ABHD12: variants seen among roughly 807,000 people sequenced by gnomAD.
The protein encoded by ABHD12 is lysophosphatidylserine lipase ABHD12.
ABHD12 carries 43 observed loss-of-function variants against 58.3 expected under a neutral mutation model. The ratio of observed to expected loss-of-function variants is 0.74; its 90% confidence interval spans 0.58 to 0.95. The LOEUF is 0.95. Among genes scored for constraint, ABHD12 ranks in the 40% least tolerant of loss-of-function variants. ABHD12 has a pLI of 0.00. For missense variants in ABHD12, 539 were observed against 537.2 expected, an observed-to-expected ratio of 1.00 and a Z score of -0.03; for synonymous variants, 219 against 211.2, an observed-to-expected ratio of 1.04 and a Z score of -0.32.
At chr20:25,311,383 G>A (rs2088846542) in intron 6 of ABHD12, among the ~76,000 whole-genome samples, 1 of 152,222 alleles carries the variant, frequency 6.6e-6, no homozygotes, top group Non-Finnish European at 1.5e-5. Flanking sequence ...GCTGGAAAGG[G>A]CAGCCAGGCA....
intron 1 of ABHD12, among the ~76,000 whole-genome samples, chr20:25,345,252 A>G (rs1400831966): frequency 1.3e-5 from 2 of 151,950 alleles, no homozygotes; most frequent in African/African-American, 4.8e-5. Context: ...CATCCAGCTG[A>G]TTTTTTGTAT....
At chr20:25,312,988 C>T (rs1168582669) in intron 6 of ABHD12, among the ~76,000 whole-genome samples, 22 of 150,896 alleles carry the variant, frequency 1.5e-4, no homozygotes, top group Admixed American at 4.6e-4. Flanking sequence ...GACCGGCCAG[C>T]CACCCCGTCT....
intron 1 of ABHD12, among the ~76,000 whole-genome samples, chr20:25,359,617 T>C (rs2089717949): frequency 6.6e-6 from 1 of 151,870 alleles, no homozygotes; most frequent in African/African-American, 2.4e-5. Flanking sequence ...TCGCCCAGAC[T>C]GGAGTGCAGT....
Position 25,339,278 on chromosome 20 carries a change from G to A in ABHD12, c.265C>T (p.Leu89Phe), listed in dbSNP as rs2089422143. 1 of 1,614,014 alleles carries A rather than the reference G, an allele frequency of 6.2e-7. No individual in the cohort carries two copies. The highest frequency in any genetic ancestry group is 1.7e-5 in the Admixed American group (1 of 60,002). ...VLGLYIAIPF[L>F]IKLCPGIQAK... ...TGTATTCCAGGACATAGTTTGATGA[G>A]AAATGGAATGGCAATGTACAACCCC... The change falls in exon 2 of 13, where the codon CTC becomes TTC. Residue 89 changes from leucine to phenylalanine, a missense_variant. Transcript: ENST00000339157.
At chr20:25,357,837 C>T (rs1356380527) in intron 1 of ABHD12, among the ~76,000 whole-genome samples, 1 of 152,020 alleles carries the variant, frequency 6.6e-6, no homozygotes, top group Non-Finnish European at 1.5e-5. Context: ...ATGGCAAAAC[C>T]CTGCCTCTAC....
chr20:25,390,476 G>GCCCCCC lies in ABHD12; in HGVS notation c.191+36_191+37insGGGGGG, dbSNP rs773039836. On this transcript the variant is annotated intron_variant, in intron 1 of 12. Transcript: ENST00000339157. Reference sequence around the variant, plus strand: ...ACGCACCTGCGCAAAGTGAGGGACCGGCCCCCCCCCCCCCCCCGCTCCGCG... The same window carrying GCCCCCC: ...ACGCACCTGCGCAAAGTGAGGGACCGCCCCCCGCCCCCCCCCCCCCCCCGCTCCGCG... The GCCCCCC allele has an allele frequency of 5.1e-5, 53 of 1,034,916 alleles. 2 individuals are homozygous for GCCCCCC. The highest frequency in any genetic ancestry group is 4.2e-4 in the South Asian group (22 of 52,938). 64.1% of individuals were successfully genotyped at this position (1,034,916 alleles called of 1,614,324 possible). A position where few individuals can be genotyped will look rare whatever the true frequency, so the allele number is the denominator to read the frequency against.
intron 7 of ABHD12, among the ~76,000 whole-genome samples, 154 bp downstream of exon 7, chr20:25,309,292 C>A (rs995934844): frequency 2.0e-5 from 3 of 152,146 alleles, no homozygotes; most frequent in Non-Finnish European, 4.4e-5. Flanking sequence ...TTGTAACTTC[C>A]CCTCCTGCCT....
intron 1 of ABHD12, among the ~76,000 whole-genome samples, chr20:25,374,240 G>A (rs2089934566): frequency 6.6e-6 from 1 of 152,036 alleles, no homozygotes; most frequent in African/African-American, 2.4e-5. Flanking sequence ...GAGTACAGGT[G>A]TGTGCCACCA....
chr20:25,368,533 G>A lies in ABHD12; in HGVS notation c.191+21980C>T, dbSNP rs114889722. 5,986 of 1,461,432 alleles carry A rather than the reference G, an allele frequency of 4.1e-3. 201 individuals carry two copies. In the African/African-American group the frequency reaches 0.07, roughly 17 times the overall value. 90.5% of individuals were successfully genotyped at this position (1,461,432 alleles called of 1,614,324 possible). The stretch of plus-strand genomic sequence containing the variant: ...AGTTTTCATCACCAAATTTCTCCCC[G>A]TAAATGGACTTGCCACCAGTGCCAT... On this transcript the variant is annotated intron_variant, in intron 1 of 12. Transcript: ENST00000339157.
At chr20:25,308,308 T>A in intron 8 of ABHD12, 149 bp downstream of exon 8, 1 of 993,030 alleles carries the variant, frequency 1.0e-6, no homozygotes, top group Middle Eastern at 3.0e-4. Flanking sequence ...CTCAGGTGTA[T>A]CATGGGAAGG....
chr20:25,313,213 G>A (rs1347561179), intron 6 of ABHD12, among the ~76,000 whole-genome samples: 1 of 152,286 alleles, frequency 6.6e-6, no homozygotes, highest in African/African-American at 2.4e-5. Flanking sequence ...AGTAGACATA[G>A]GAGACTCCAT....
At chr20:25,363,678 C>G (rs2089782953) in intron 1 of ABHD12, among the ~76,000 whole-genome samples, 1 of 151,866 alleles carries the variant, frequency 6.6e-6, no homozygotes, top group South Asian at 2.1e-4. Flanking sequence ...ACCAGCCTGA[C>G]CAACATGGTG....
At chr20:25,368,446 G>A (rs570514124) in intron 1 of ABHD12, 44 of 1,596,736 alleles carry the variant, frequency 2.8e-5, no homozygotes, top group East Asian at 6.7e-5. Context: ...ACTGGGAACC[G>A]TTTGTGTTGG....
intron 1 of ABHD12, among the ~76,000 whole-genome samples, chr20:25,377,267 T>C (rs185498716): frequency 6.6e-6 from 1 of 152,320 alleles, no homozygotes; most frequent in African/African-American, 2.4e-5. Context: ...AAACTGAGAA[T>C]TTTTCTCATG....
chr20:25,374,839 G>A (rs890437713), intron 1 of ABHD12, among the ~76,000 whole-genome samples: 5 of 152,112 alleles, frequency 3.3e-5, no homozygotes, highest in Admixed American at 2.6e-4. Flanking sequence ...ACTAACGTGC[G>A]TGTCAGTACT....
intron 1 of ABHD12, among the ~76,000 whole-genome samples, chr20:25,365,634 A>T (rs2089809840): frequency 6.6e-6 from 1 of 152,214 alleles, no homozygotes; most frequent in African/African-American, 2.4e-5. Context: ...TTATTAAAAG[A>T]TTATCCTCCC....
chr20:25,389,797 G>GAA (rs2090144480), intron 1 of ABHD12: 1 of 152,294 alleles, frequency 6.6e-6, no homozygotes, highest in African/African-American at 2.4e-5. Flanking sequence ...CCAGCAGAGC[G>GAA]AAGGGCAGGT....
At chr20:25,363,797 G>A (rs778978090) in intron 1 of ABHD12, among the ~76,000 whole-genome samples, 1 of 151,974 alleles carries the variant, frequency 6.6e-6, no homozygotes, top group Non-Finnish European at 1.5e-5. Context: ...CCCAGGAGGC[G>A]GAGGTTGCAG....
intron 3 of ABHD12, among the ~76,000 whole-genome samples, chr20:25,320,732 A>G (rs2089050710): frequency 1.3e-5 from 2 of 152,240 alleles, no homozygotes; most frequent in Non-Finnish European, 2.9e-5. Context: ...CTCACAATGG[A>G]TTTTAAACAG....
Sources: gnomAD v4.1 joint callset for allele counts (sites outside exome capture counted in the v4.1 genomes callset) on GRCh38, gnomAD v4.1.1 for gene constraint, MANE v1.5 for transcripts, NCBI Gene and HGNC (gene_info 2026-07-23, HGNC 2026-07-21) for gene names.